Variants in DCC observed in about 807,000 individuals in gnomAD.
DCC encodes the protein netrin receptor DCC.
Under a neutral mutation model 172.5 loss-of-function variants are expected in DCC, and 58 were observed. The ratio of observed to expected loss-of-function variants is 0.34; its 90% CI spans 0.27 to 0.42. The LOEUF is 0.42. Among genes scored for constraint, DCC ranks in the 10% least tolerant of loss-of-function variants. DCC has a pLI of 1.00. For missense variants in DCC, 1,740 were observed against 1,791.0 expected (o/e 0.97, Z 0.51); for synonymous variants, 709 against 644.5 (o/e 1.10, Z -1.52).
chr18:52,957,037 G>A, intron 5 of DCC, among the ~76,000 whole-genome samples: 1 of 152,080 alleles, frequency 6.6e-6, no homozygotes, highest in Non-Finnish European at 1.5e-5. Context: ...TCTGAGTACA[G>A]CAGACAATTC....
chr18:52,435,931 C>T (rs1987780208), intron 1 of DCC, among the ~76,000 whole-genome samples: 1 of 152,216 alleles, frequency 6.6e-6, no homozygotes. Flanking sequence ...CTGAACCAAA[C>T]AGGCCTTCTA....
intron 9 of DCC, among the ~76,000 whole-genome samples, chr18:53,201,588 TG>T (rs2055538463): frequency 6.6e-6 from 1 of 152,224 alleles, no homozygotes; most frequent in African/African-American, 2.4e-5. Flanking sequence ...AAATTATTTA[TG>T]TTTTTTTCTT....
chr18:53,178,977 T>C lies in DCC; in HGVS notation c.1434T>C (p.Asn478=). The C allele has an allele frequency of 3.1e-6, 5 of 1,614,032 alleles. No homozygotes were observed. The highest frequency in any genetic ancestry group is 4.2e-6 in the Non-Finnish European group (5 of 1,179,926). Reference sequence around the variant, plus strand: ...GATTTCTCAGGGAACGAGCATTGAATACAACACAGCCTGGGTCCCTTCAGC... The same window carrying C: ...GATTTCTCAGGGAACGAGCATTGAACACAACACAGCCTGGGTCCCTTCAGC... The part of the protein sequence containing the change: ...REGDNRERAL[N]TTQPGSLQLT... Residue 478 remains asparagine, a synonymous_variant, in exon 9 of 29, where the codon AAT becomes AAC. Transcript: ENST00000442544.
intron 7 of DCC, among the ~76,000 whole-genome samples, chr18:53,102,431 A>G (rs1465829497): frequency 6.6e-6 from 1 of 152,006 alleles, no homozygotes; most frequent in Non-Finnish European, 1.5e-5. Context: ...AGATTTTGCA[A>G]TTTTGTGAAT....
At chr18:53,071,631 T>C (rs2042652576) in intron 7 of DCC, among the ~76,000 whole-genome samples, 1 of 152,236 alleles carries the variant, frequency 6.6e-6, no homozygotes, top group African/African-American at 2.4e-5. Flanking sequence ...TGATGGAAAG[T>C]TAATTCAGTT....
At chr18:52,703,729 A>ATTTTTTTTTTT (rs35250941) in intron 1 of DCC, among the ~76,000 whole-genome samples, 1 of 149,210 alleles carries the variant, frequency 6.7e-6, no homozygotes, top group Non-Finnish European at 1.5e-5. Context: ...ATTGCAAAGA[A>ATTTTTTTTTTT]TTTTTTTTTT....
At chr18:52,674,326 C>T (rs2035610223) in intron 1 of DCC, among the ~76,000 whole-genome samples, 2 of 152,064 alleles carry the variant, frequency 1.3e-5, no homozygotes, top group Admixed American at 1.3e-4. Flanking sequence ...ATACTAAGGG[C>T]AGGAGAACAA....
intron 1 of DCC, among the ~76,000 whole-genome samples, chr18:52,629,496 C>T (rs759319171): frequency 6.6e-6 from 1 of 151,992 alleles, no homozygotes; most frequent in Non-Finnish European, 1.5e-5. Flanking sequence ...GAGAGGAGAC[C>T]ACATGTAAAA....
intron 1 of DCC, among the ~76,000 whole-genome samples, chr18:52,627,608 C>G (rs777961324): frequency 2.6e-5 from 4 of 152,186 alleles, no homozygotes; most frequent in African/African-American, 4.8e-5. Flanking sequence ...CAGAGAACAA[C>G]TTCTTTCTGT....
chr18:52,459,720 C>G (rs778457892), intron 1 of DCC, among the ~76,000 whole-genome samples: 10 of 152,062 alleles, frequency 6.6e-5, no homozygotes, highest in Non-Finnish European at 1.5e-4. Flanking sequence ...ATGCCCGCCT[C>G]AGCCTCCCAA....
Position 53,097,673 on chromosome 18 carries a change from A to G in DCC, c.1261+31507A>G, listed in dbSNP as rs2043106272. ...TGGGTAACTTTAACAACAGACACTT[A>G]TTTGCTCACAGTTCTGGAGGTTAGA... is the stretch of plus-strand genomic sequence containing the variant. On this transcript the variant is annotated intron_variant, in intron 7 of 28. Transcript: ENST00000442544. 2.0e-5 allele frequency among the ~76,000 whole-genome samples: 3 copies of G among 152,116 alleles called. No individual in the cohort carries two copies. In the South Asian group the frequency reaches 6.2e-4, roughly 32 times the overall value.
chr18:53,353,127 A>T (rs148534222), intron 15 of DCC, among the ~76,000 whole-genome samples: 2,153 of 152,244 alleles, frequency 0.014, 52 homozygotes, highest in African/African-American at 0.049. Context: ...AAAATACAAA[A>T]TTAGCCAGAT....
intron 1 of DCC, among the ~76,000 whole-genome samples, chr18:52,745,896 T>G (rs1046455850): frequency 6.6e-6 from 1 of 152,224 alleles, no homozygotes; most frequent in East Asian, 1.9e-4. Flanking sequence ...GGGACTGTAC[T>G]TTGAGAACCA....
In DCC at chr18:53,084,455, T is replaced by A. The variant is rs1252561102; in HGVS notation, c.1261+18289T>A. Among the ~76,000 whole-genome samples the A allele has an allele frequency of 1.3e-5, 2 of 152,152 alleles. 1 individual carries two copies. The highest frequency in any genetic ancestry group is 6.3e-3 in the Middle Eastern group (2 of 316). On this transcript the variant is annotated intron_variant, in intron 7 of 28. Coordinates refer to ENST00000442544, the MANE Select transcript of DCC (RefSeq NM_005215.4). ...TAAATACACTGCAAGTACCTATACT[T>A]TTTTATTTTTTATTTTTGGGAGGTT...
In DCC at chr18:52,340,214, A is replaced by AC. The variant is rs1983557958; in HGVS notation, c.-570dup. 5.8e-6 allele frequency: 1 copy of AC among 173,248 alleles called. No homozygotes were observed. The highest frequency in any genetic ancestry group is 5.4e-5 in the Admixed American group (1 of 18,394). 10.7% of individuals were successfully genotyped at this position (173,248 alleles called of 1,614,324 possible). A position where few individuals can be genotyped will look rare whatever the true frequency, so the allele number is the denominator to read the frequency against. ...CCCAGCTCGCACACCGCTGGCGGAC[A>AC]CCCCAGTAACAAGTGAGAGCGCTCC... On this transcript the variant is annotated 5_prime_UTR_variant, in exon 1 of 29. Coordinates refer to ENST00000442544, the MANE Select transcript of DCC (RefSeq NM_005215.4).
chr18:52,740,482 G>T (rs2145112499), intron 1 of DCC, among the ~76,000 whole-genome samples: 1 of 152,266 alleles, frequency 6.6e-6, no homozygotes, highest in Middle Eastern at 3.4e-3. Context: ...AATTGGACTT[G>T]TTATAATACA....
intron 1 of DCC, among the ~76,000 whole-genome samples, chr18:52,505,955 T>A (rs2031215725): frequency 6.6e-6 from 1 of 152,162 alleles, no homozygotes. Context: ...TTTATGGAAA[T>A]ATTTCCTTTG....
chr18:52,597,646 T>C (rs1300650295), intron 1 of DCC, among the ~76,000 whole-genome samples: 1 of 152,148 alleles, frequency 6.6e-6, no homozygotes, highest in African/African-American at 2.4e-5. Flanking sequence ...TACCAACATC[T>C]TTAGTAGAAC....
intron 1 of DCC, among the ~76,000 whole-genome samples, chr18:52,578,040 T>G (rs1447735391): frequency 6.6e-6 from 1 of 152,194 alleles, no homozygotes; most frequent in African/African-American, 2.4e-5. Flanking sequence ...ACGAGGATTA[T>G]TCTTCACACA....
Sources: allele counts gnomAD v4.1 joint callset (sites outside exome capture counted in the v4.1 genomes callset), GRCh38; gene constraint gnomAD v4.1.1; transcripts MANE v1.5; gene names NCBI Gene and HGNC (gene_info 2026-07-23, HGNC 2026-07-21).